MDGA2: variants seen among roughly 807,000 people sequenced by gnomAD.
MDGA2 encodes the protein MAM domain containing glycosylphosphatidylinositol anchor 2, also known as MAM domain-containing glycosylphosphatidylinositol anchor protein 2.
MDGA2 carries 40 observed loss-of-function variants against 117.8 expected under a neutral mutation model. The observed-to-expected ratio is 0.34, with a 90% confidence interval of 0.26 to 0.44. MDGA2 has a LOEUF of 0.44. Among genes scored for constraint, MDGA2 ranks in the 20% least tolerant of loss-of-function variants. The pLI, the probability that MDGA2 is intolerant of heterozygous loss-of-function variation, is 1.00. For synonymous variants in MDGA2, 452 were observed against 439.0 expected (o/e 1.03, Z -0.37); for missense variants, 1,123 against 1,250.6 (o/e 0.90, Z 1.54).
chr14:47,598,719 A>G (rs930034717), intron 1 of MDGA2, among the ~76,000 whole-genome samples: 2 of 152,114 alleles, frequency 1.3e-5, no homozygotes, highest in Non-Finnish European at 2.9e-5. Context: ...TATGTTAGAG[A>G]TAATTTCTGA....
intron 1 of MDGA2, among the ~76,000 whole-genome samples, chr14:47,601,842 C>T (rs78123977): frequency 0.054 from 8,249 of 152,150 alleles, 750 homozygotes; most frequent in African/African-American, 0.19. Context: ...TGCTAAAAGA[C>T]ATTCTTTAAT....
intron 8 of MDGA2, among the ~76,000 whole-genome samples, chr14:46,968,647 C>A (rs536237023): frequency 1.2e-3 from 187 of 151,680 alleles, no homozygotes; most frequent in Admixed American, 2.0e-3. Flanking sequence ...GCTTGGCCAA[C>A]ATGGTGAAAC....
chr14:47,565,656 C>T (rs1895903161), intron 1 of MDGA2, among the ~76,000 whole-genome samples: 1 of 152,172 alleles, frequency 6.6e-6, no homozygotes, highest in African/African-American at 2.4e-5. Context: ...AGAGTGCATG[C>T]TCATTGGATG....
intron 1 of MDGA2, among the ~76,000 whole-genome samples, chr14:47,612,201 TAGATAGAC>T (rs1170664103): frequency 8.1e-5 from 11 of 135,086 alleles, no homozygotes; most frequent in Admixed American, 1.5e-4. Context: ...GATAGATAGA[TAGATAGAC>T]AGATAGATAG....
At chr14:47,299,579 T>C (rs969092373) in intron 2 of MDGA2, 3 of 152,216 alleles carry the variant, frequency 2.0e-5, no homozygotes, top group African/African-American at 7.2e-5. Flanking sequence ...AACAACACTA[T>C]ATTTTCCTTG....
chr14:47,057,151 A>G (rs1034636030), intron 7 of MDGA2, among the ~76,000 whole-genome samples: 3 of 152,112 alleles, frequency 2.0e-5, no homozygotes, highest in Non-Finnish European at 4.4e-5. Context: ...TTCATCCTCT[A>G]TACTCTGCCA....
At chr14:47,079,839 C>T (rs572593910) in intron 6 of MDGA2, among the ~76,000 whole-genome samples, 4 of 148,356 alleles carry the variant, frequency 2.7e-5, no homozygotes, top group African/African-American at 9.9e-5. Context: ...TCACGCCATT[C>T]TCCTGCCTCA....
intron 1 of MDGA2, among the ~76,000 whole-genome samples, chr14:47,617,522 G>A (rs1896968781): frequency 6.6e-6 from 1 of 152,054 alleles, no homozygotes; most frequent in African/African-American, 2.4e-5. Flanking sequence ...CTTTTTAAAT[G>A]AAAAACTGGT....
chr14:46,889,613 T>C (rs1882803034), intron 10 of MDGA2, among the ~76,000 whole-genome samples: 1 of 152,128 alleles, frequency 6.6e-6, no homozygotes, highest in Non-Finnish European at 1.5e-5. Flanking sequence ...ACTAGTTCTA[T>C]TCAGTCTGCA....
At chr14:47,073,630 A>C (rs1301810082) in intron 6 of MDGA2, among the ~76,000 whole-genome samples, 4 of 152,204 alleles carry the variant, frequency 2.6e-5, no homozygotes, top group African/African-American at 4.8e-5. Flanking sequence ...AAAGACTGAC[A>C]GTATTTTATT....
intron 1 of MDGA2, among the ~76,000 whole-genome samples, chr14:47,512,119 C>T (rs1039559224): frequency 1.3e-5 from 2 of 152,094 alleles, no homozygotes; most frequent in Non-Finnish European, 2.9e-5. Flanking sequence ...TGAAAACTGC[C>T]CATTGAACAC....
At chr14:47,427,276 A>C (rs1244695638) in intron 1 of MDGA2, among the ~76,000 whole-genome samples, 1 of 152,150 alleles carries the variant, frequency 6.6e-6, no homozygotes, top group Non-Finnish European at 1.5e-5. Flanking sequence ...CCACCTCCAA[A>C]GCTGAAAACA....
chr14:47,296,352 T>C (rs2139794462), intron 2 of MDGA2, among the ~76,000 whole-genome samples: 1 of 152,318 alleles, frequency 6.6e-6, no homozygotes, highest in Admixed American at 6.5e-5. Flanking sequence ...TCTTAAACAA[T>C]CTTAAAACAC....
chr14:46,932,708 T>C (rs1467409638), intron 9 of MDGA2, among the ~76,000 whole-genome samples: 4 of 152,090 alleles, frequency 2.6e-5, no homozygotes, highest in African/African-American at 9.7e-5. Context: ...TGCCATTGGT[T>C]ATTAGGAAAC....
chr14:47,058,440 C>T (rs1298982812), intron 7 of MDGA2, among the ~76,000 whole-genome samples: 2 of 152,108 alleles, frequency 1.3e-5, no homozygotes, highest in African/African-American at 4.8e-5. Context: ...ATTGTTGCTT[C>T]CTTTTCTTTG....
intron 1 of MDGA2, among the ~76,000 whole-genome samples, chr14:47,555,232 G>A (rs1316903156): frequency 6.6e-6 from 1 of 152,122 alleles, no homozygotes; most frequent in Non-Finnish European, 1.5e-5. Context: ...AGTAGTACTA[G>A]AATTAGAACT....
intron 2 of MDGA2, among the ~76,000 whole-genome samples, chr14:47,269,769 A>G (rs1313433142): frequency 6.6e-6 from 1 of 152,190 alleles, no homozygotes; most frequent in Non-Finnish European, 1.5e-5. Flanking sequence ...AGAAAAATTC[A>G]GTAGAAATAA....
intron 5 of MDGA2, among the ~76,000 whole-genome samples, chr14:47,129,612 T>A (rs1197522681): frequency 6.7e-6 from 1 of 149,478 alleles, no homozygotes. Context: ...TACCCAGTAA[T>A]GGGATGGCTG....
intron 1 of MDGA2, among the ~76,000 whole-genome samples, chr14:47,558,289 A>T (rs1895725977): frequency 6.6e-6 from 1 of 152,224 alleles, no homozygotes; most frequent in Admixed American, 6.5e-5. Flanking sequence ...CAGGGGTAAG[A>T]AAAGAATTAG....
Sources: gnomAD v4.1 joint callset for allele counts (sites outside exome capture counted in the v4.1 genomes callset) on GRCh38, gnomAD v4.1.1 for gene constraint, MANE v1.5 for transcripts, NCBI Gene and HGNC (gene_info 2026-07-23, HGNC 2026-07-21) for gene names.